Variants in SLC25A21 observed in about 807,000 individuals in gnomAD.
The protein encoded by SLC25A21 is mitochondrial 2-oxodicarboxylate carrier.
Under a neutral mutation model 43.8 loss-of-function variants are expected in SLC25A21, and 47 were observed. The ratio of observed to expected loss-of-function variants is 1.07; its 90% confidence interval spans 0.85 to 1.37. The LOEUF (loss-of-function observed/expected upper bound fraction) is 1.37, where lower values mean the gene tolerates loss of function less well. Among genes scored for constraint, SLC25A21 ranks in the 40% most tolerant of loss-of-function variants. The pLI is 0.00. For missense variants in SLC25A21, 352 were observed against 350.2 expected (o/e 1.00, Z -0.04); for synonymous variants, 131 against 121.3 (o/e 1.08, Z -0.52).
At chr14:36,750,404 A>T (rs181349970) in intron 3 of SLC25A21, among the ~76,000 whole-genome samples, 119 of 152,272 alleles carry the variant, frequency 7.8e-4, no homozygotes, top group African/African-American at 2.8e-3. Context: ...TCCCTTCTCC[A>T]TGGAGGCAGA....
intron 3 of SLC25A21, among the ~76,000 whole-genome samples, chr14:36,735,525 A>T (rs1206247444): frequency 6.6e-6 from 1 of 152,078 alleles, no homozygotes. Flanking sequence ...AGCTTCTCTG[A>T]TTCACCCCCC....
At chr14:36,705,447 C>A (rs150511368) in intron 7 of SLC25A21, among the ~76,000 whole-genome samples, 2 of 152,152 alleles carry the variant, frequency 1.3e-5, no homozygotes, top group African/African-American at 2.4e-5. Context: ...GGTTCTGCTA[C>A]ATTTTTCAGT....
intron 2 of SLC25A21, among the ~76,000 whole-genome samples, chr14:36,822,229 CA>C (rs1888663563): frequency 6.6e-6 from 1 of 152,218 alleles, no homozygotes; most frequent in African/African-American, 2.4e-5. Flanking sequence ...ATTAACACTC[CA>C]AAATAATGCT....
chr14:36,959,057 C>T (rs1369004893), intron 1 of SLC25A21, among the ~76,000 whole-genome samples: 1 of 152,092 alleles, frequency 6.6e-6, no homozygotes, highest in Non-Finnish European at 1.5e-5. Flanking sequence ...CTCGTGGTTG[C>T]CTTCACTATC....
chr14:36,740,465 T>C (rs754766305), intron 3 of SLC25A21, among the ~76,000 whole-genome samples: 3 of 152,206 alleles, frequency 2.0e-5, no homozygotes, highest in Non-Finnish European at 4.4e-5. Context: ...TGCTACAATA[T>C]TGGATCACAT....
At chr14:37,066,460 G>T (rs1431360740) in intron 1 of SLC25A21, among the ~76,000 whole-genome samples, 1 of 151,838 alleles carries the variant, frequency 6.6e-6, no homozygotes, top group Admixed American at 6.6e-5. Flanking sequence ...CTGAAAAAAT[G>T]GATTATGTGA....
At chr14:36,859,283 T>C (rs1434806353) in intron 2 of SLC25A21, among the ~76,000 whole-genome samples, 1 of 152,216 alleles carries the variant, frequency 6.6e-6, no homozygotes, top group Admixed American at 6.5e-5. Flanking sequence ...AAGAACTACA[T>C]TCAGGAATGC....
At chr14:37,074,048 A>G (rs923283692) in intron 1 of SLC25A21, among the ~76,000 whole-genome samples, 1 of 152,126 alleles carries the variant, frequency 6.6e-6, no homozygotes, top group Admixed American at 6.5e-5. Flanking sequence ...CCTCCCAGGA[A>G]TGATGTTCGT....
chr14:36,980,059 T>C (rs1959982808), intron 1 of SLC25A21, among the ~76,000 whole-genome samples: 3 of 152,220 alleles, frequency 2.0e-5, no homozygotes, highest in Admixed American at 2.0e-4. Flanking sequence ...TGACATATTG[T>C]TATTTATCCT....
chr14:37,081,030 A>G (rs947262277), intron 1 of SLC25A21, among the ~76,000 whole-genome samples: 1 of 152,190 alleles, frequency 6.6e-6, no homozygotes, highest in East Asian at 1.9e-4. Flanking sequence ...GCAGGGGGAT[A>G]GTCAAGATGC....
At position 36,822,208 on chromosome 14, in the gene SLC25A21, G is replaced by T. The variant is rs530416024; in HGVS notation, c.120-8207C>A. 2.6e-5 allele frequency among the ~76,000 whole-genome samples: 4 copies of T among 152,302 alleles called. No homozygotes were observed. The East Asian group carries it at 7.7e-4, about 29-fold the overall frequency. ...TTTGCTTGTTGCTTTCACATTCTAGGCCTGGCATCAATTAACACTCCAAAA... is the reference window on the plus strand; with the variant it reads ...TTTGCTTGTTGCTTTCACATTCTAGTCCTGGCATCAATTAACACTCCAAAA... On this transcript the variant is annotated intron_variant, in intron 2 of 9. Transcript: ENST00000331299.
chr14:37,118,322 G>A (rs993494835), intron 1 of SLC25A21, among the ~76,000 whole-genome samples: 1 of 151,792 alleles, frequency 6.6e-6, no homozygotes, highest in Non-Finnish European at 1.5e-5. Context: ...TCAGCAAACA[G>A]GAAGACCATT....
intron 1 of SLC25A21, among the ~76,000 whole-genome samples, chr14:37,103,264 G>T (rs1197716106): frequency 6.6e-6 from 1 of 152,132 alleles, no homozygotes; most frequent in Non-Finnish European, 1.5e-5. Flanking sequence ...AAGGATAAAA[G>T]ATTTAGAGGG....
chr14:36,682,740 C>T (rs200282762), intron 9 of SLC25A21, among the ~76,000 whole-genome samples: 1 of 151,704 alleles, frequency 6.6e-6, no homozygotes, highest in Non-Finnish European at 1.5e-5. Flanking sequence ...GGGCCAATAA[C>T]TAACGGAAGG....
intron 1 of SLC25A21, among the ~76,000 whole-genome samples, chr14:37,075,135 C>T (rs965390520): frequency 6.6e-6 from 1 of 152,158 alleles, no homozygotes; most frequent in Non-Finnish European, 1.5e-5. Context: ...TTTGAAACCA[C>T]GTGCAATGTT....
At chr14:36,960,819 G>A (rs1009237642) in intron 1 of SLC25A21, among the ~76,000 whole-genome samples, 1 of 152,176 alleles carries the variant, frequency 6.6e-6, no homozygotes, top group Admixed American at 6.5e-5. Context: ...TATCTAAACA[G>A]TAGTGGTGAG....
At chr14:37,103,885 AGAATTTTCTCAG>A (rs1483704163) in intron 1 of SLC25A21, among the ~76,000 whole-genome samples, 2 of 152,220 alleles carry the variant, frequency 1.3e-5, no homozygotes, top group Non-Finnish European at 2.9e-5. Flanking sequence ...GCTGTTTGCC[AGAATTTTCTCAG>A]GATACTTGTT....
intron 7 of SLC25A21, among the ~76,000 whole-genome samples, chr14:36,695,580 A>G (rs1218275457): frequency 6.6e-6 from 1 of 151,914 alleles, no homozygotes; most frequent in Non-Finnish European, 1.5e-5. Flanking sequence ...GTCCTCTTTT[A>G]TTTCCTTGGG....
intron 1 of SLC25A21, among the ~76,000 whole-genome samples, chr14:36,993,270 T>C (rs1302890421): frequency 2.0e-5 from 3 of 152,284 alleles, no homozygotes; most frequent in Non-Finnish European, 2.9e-5. Flanking sequence ...GTGGTGTCAT[T>C]GGAGAATGGT....
Sources: allele counts gnomAD v4.1 joint callset (sites outside exome capture counted in the v4.1 genomes callset), GRCh38; gene constraint gnomAD v4.1.1; transcripts MANE v1.5; gene names NCBI Gene and HGNC (gene_info 2026-07-23, HGNC 2026-07-21).